Variants in HS1BP3 observed in about 807,000 individuals in gnomAD.
The protein encoded by HS1BP3 is HCLS1-binding protein 3.
A neutral mutation model predicts 33.5 loss-of-function variants in HS1BP3; 32 were observed. That is an observed-to-expected ratio of 0.95 (90% CI 0.72 to 1.28). The LOEUF is 1.28. Ranked by LOEUF, HS1BP3 falls within the 50% of genes most tolerant of loss-of-function variation. HS1BP3 has a pLI of 0.00. For missense variants in HS1BP3, 486 were observed against 502.3 expected (o/e 0.97, Z 0.31); for synonymous variants, 187 against 209.2 (o/e 0.89, Z 0.92).
chr2:20,579,636 G>A (rs1282226801), intron 5 of HS1BP3, among the ~76,000 whole-genome samples: 2 of 152,144 alleles, frequency 1.3e-5, no homozygotes, highest in African/African-American at 4.8e-5. Flanking sequence ...CTGGGAGGTG[G>A]GGGCCCACTG....
In HS1BP3 at chr2:20,618,604, G is replaced by T; in HGVS notation, c.*383C>A. On this transcript the variant is annotated 3_prime_UTR_variant, in exon 7 of 7. Coordinates refer to ENST00000304031, the MANE Select transcript of HS1BP3 (RefSeq NM_022460.4). ...AGCCCCAGTTTGGGTCTGTGCTGGG[G>T]CTGGCAGAACCCGTGGGCATGAAGC... is the stretch of plus-strand genomic sequence containing the variant. The T allele has an allele frequency of 2.8e-6, 2 of 712,108 alleles. No individual in the cohort carries two copies. The highest frequency in any genetic ancestry group is 3.6e-6 in the Non-Finnish European group (2 of 559,822). The allele number at this position is 712,108 out of a possible 1,614,324, so 44.1% of individuals were successfully genotyped here.
At chr2:20,577,545 C>T (rs1296721211) in intron 5 of HS1BP3, among the ~76,000 whole-genome samples, 5 of 152,176 alleles carry the variant, frequency 3.3e-5, no homozygotes, top group African/African-American at 1.2e-4. Context: ...AGGTGTCCCC[C>T]CAGCTCCACC....
At chr2:20,582,004 T>C (rs1248621172) in intron 5 of HS1BP3, among the ~76,000 whole-genome samples, 1 of 152,226 alleles carries the variant, frequency 6.6e-6, no homozygotes, top group East Asian at 1.9e-4. Context: ...TTCACCTGAT[T>C]GAGCCAGGCC....
rs762917189 is a variant in HS1BP3, at chr2:20,638,424, C to T, written c.623+12G>A. 6.8e-6 allele frequency: 11 copies of T among 1,612,688 alleles called. No individual in the cohort carries two copies. The highest frequency in any genetic ancestry group is 8.5e-6 in the Non-Finnish European group (10 of 1,179,018). ...TACACCAAAGGGGCCCTCTCAACAA[C>T]AGGAGACCAACCGCATAATGCCCAG... On this transcript the variant is annotated intron_variant, in intron 4 of 6. Transcript: ENST00000304031.
rs978305787 is a variant in HS1BP3 at position 20,618,549 on chromosome 2, C to T, written c.*438G>A. 2.9e-5 allele frequency: 6 copies of T among 205,206 alleles called. No individual in the cohort carries two copies. The highest frequency in any genetic ancestry group is 5.8e-5 in the Admixed American group (1 of 17,378). 12.7% of individuals were successfully genotyped at this position (205,206 alleles called of 1,614,324 possible). On this transcript the variant is annotated 3_prime_UTR_variant, in exon 7 of 7. Transcript: ENST00000304031. The stretch of plus-strand genomic sequence containing the variant: ...ATACCGGTCACTCCTTCTTACTATG[C>T]GAACAGAGGCAGAGGAGGGATAGAG...
intron 5 of HS1BP3, among the ~76,000 whole-genome samples, chr2:20,562,510 T>G (rs1006449067): frequency 5.3e-5 from 8 of 152,114 alleles, no homozygotes; most frequent in African/African-American, 1.9e-4. Flanking sequence ...AAGTAAAATA[T>G]AATTAATGGG....
chr2:20,607,238 C>A (rs1694211744), intron 2 of HS1BP3, among the ~76,000 whole-genome samples: 1 of 152,042 alleles, frequency 6.6e-6, no homozygotes, highest in African/African-American at 2.4e-5. Flanking sequence ...TCACTGCAAC[C>A]TCCACCTCCC....
At chr2:20,567,822 T>C (rs1237478305) in intron 5 of HS1BP3, among the ~76,000 whole-genome samples, 4 of 152,212 alleles carry the variant, frequency 2.6e-5, no homozygotes. Context: ...TCCGTGCCAG[T>C]GGAACCTGAC....
chr2:20,590,114 C>G (rs527368808), downstream of HS1BP3, among the ~76,000 whole-genome samples: 12 of 152,208 alleles, frequency 7.9e-5, no homozygotes, highest in South Asian at 6.2e-4. Context: ...AGTCACCCCG[C>G]CCTCCAGGCA....
intron 2 of HS1BP3, among the ~76,000 whole-genome samples, chr2:20,608,635 T>C (rs1694252127): frequency 6.6e-6 from 1 of 151,582 alleles, no homozygotes; most frequent in Middle Eastern, 3.2e-3. Context: ...GTTCCTGATC[T>C]TCGGGCAAAG....
intron 4 of HS1BP3, among the ~76,000 whole-genome samples, chr2:20,625,537 G>A (rs543654377): frequency 6.6e-6 from 1 of 152,344 alleles, no homozygotes; most frequent in South Asian, 2.1e-4. Flanking sequence ...TTTGGTAAGT[G>A]CCTTATTGTT....
At chr2:20,632,226 G>A (rs1694990392) in intron 4 of HS1BP3, among the ~76,000 whole-genome samples, 1 of 152,244 alleles carries the variant, frequency 6.6e-6, no homozygotes. Context: ...TTTGCCAAAT[G>A]CAGGTGATGG....
downstream of HS1BP3, among the ~76,000 whole-genome samples, chr2:20,559,946 G>A (rs1692949244): frequency 6.6e-6 from 1 of 152,182 alleles, no homozygotes. Flanking sequence ...GGTTGTTCTA[G>A]GGAAAGAGAA....
At chr2:20,588,015 T>C (rs1693723575), downstream of HS1BP3, among the ~76,000 whole-genome samples, 1 of 151,736 alleles carries the variant, frequency 6.6e-6, no homozygotes, top group Non-Finnish European at 1.5e-5. Flanking sequence ...TGGGACACCT[T>C]GGGGTGGGGA....
chr2:20,566,153 C>A (rs1163008181), intron 5 of HS1BP3, among the ~76,000 whole-genome samples: 1 of 152,254 alleles, frequency 6.6e-6, no homozygotes, highest in African/African-American at 2.4e-5. Flanking sequence ...CCCATCCCGG[C>A]ACTGACAGGG....
At chr2:20,595,162 C>T (rs1558327333) in intron 3 of HS1BP3, among the ~76,000 whole-genome samples, 1 of 152,072 alleles carries the variant, frequency 6.6e-6, no homozygotes, top group Non-Finnish European at 1.5e-5. Context: ...GCCTCAGTTT[C>T]CCAGCTGTGG....
At chr2:20,554,934 C>T in the HS1BP3 span, among the ~76,000 whole-genome samples, 4 of 152,210 alleles carry the variant, frequency 2.6e-5, no homozygotes, top group African/African-American at 7.2e-5. Context: ...GTCCTAGCCC[C>T]ACCGTGGCCA....
At chr2:20,600,982 CTTTT>C (rs1694059017) in intron 2 of HS1BP3, among the ~76,000 whole-genome samples, 1 of 152,138 alleles carries the variant, frequency 6.6e-6, no homozygotes. Flanking sequence ...GTTAAACTTT[CTTTT>C]TAACTAATAT....
downstream of HS1BP3, among the ~76,000 whole-genome samples, chr2:20,616,629 T>C (rs943428785): frequency 6.6e-6 from 1 of 152,178 alleles, no homozygotes; most frequent in Non-Finnish European, 1.5e-5. Flanking sequence ...TGGGACTCTA[T>C]GCCTCCTCTG....
Sources: allele counts gnomAD v4.1 joint callset (sites outside exome capture counted in the v4.1 genomes callset), GRCh38; gene constraint gnomAD v4.1.1; transcripts MANE v1.5; gene names NCBI Gene and HGNC (gene_info 2026-07-23, HGNC 2026-07-21).